TMEM132B: variants seen among roughly 807,000 people sequenced by gnomAD.
TMEM132B encodes transmembrane protein 132B.
In TMEM132B, 18 loss-of-function variants were observed where a neutral mutation model predicts 90.8. The observed-to-expected ratio is 0.20, with a 90% CI of 0.14 to 0.29. The LOEUF is 0.29. Ranked by LOEUF, TMEM132B falls within the 10% of genes least tolerant of loss-of-function variation. TMEM132B has a pLI of 1.00. For missense variants in TMEM132B, 1,096 were observed against 1,326.8 expected, an observed-to-expected ratio of 0.83 and a Z score of 2.70; for synonymous variants, 504 against 523.3, an observed-to-expected ratio of 0.96 and a Z score of 0.50.
At chr12:125,624,235 T>G (rs771641721) in intron 5 of TMEM132B, among the ~76,000 whole-genome samples, 3 of 152,194 alleles carry the variant, frequency 2.0e-5, no homozygotes, top group African/African-American at 4.8e-5. Flanking sequence ...CTTGAAGGGC[T>G]GAGCTAGGGA....
chr12:125,260,456 A>T (rs1318606067), intron 1 of TMEM132B, among the ~76,000 whole-genome samples: 1 of 150,814 alleles, frequency 6.6e-6, no homozygotes, highest in African/African-American at 2.4e-5. Context: ...GGCTCAAGTG[A>T]TTCTCCTGCC....
At chr12:125,653,458 G>C in intron 8 of TMEM132B, 107 bp from the exon 9 acceptor site, 3 of 1,254,632 alleles carry the variant, frequency 2.4e-6, no homozygotes, top group Non-Finnish European at 3.2e-6. Context: ...TAAAACTATA[G>C]AAATCTTCTC....
intron 4 of TMEM132B, among the ~76,000 whole-genome samples, chr12:125,582,179 C>T (rs373259050): frequency 9.2e-5 from 14 of 151,816 alleles, no homozygotes; most frequent in Non-Finnish European, 1.3e-4. Context: ...CCGTAACTAC[C>T]TTGGGAGAGC....
At chr12:125,652,925 G>A (rs539508835) in intron 8 of TMEM132B, among the ~76,000 whole-genome samples, 3 of 152,210 alleles carry the variant, frequency 2.0e-5, no homozygotes, top group Non-Finnish European at 2.9e-5. Context: ...AGGATCACGT[G>A]TTTTCACTTT....
intron 3 of TMEM132B, among the ~76,000 whole-genome samples, chr12:125,505,191 A>AAAAAAC: frequency 6.7e-6 from 1 of 148,902 alleles, no homozygotes. Flanking sequence ...AAAAAAAAAA[A>AAAAAAC]AAAACAGTAA....
chr12:125,441,594 C>T (rs11837398), intron 3 of TMEM132B, among the ~76,000 whole-genome samples: 9,629 of 152,170 alleles, frequency 0.063, 944 homozygotes, highest in African/African-American at 0.21. Context: ...CCCTCCAGGC[C>T]CTTAGGTCCC....
At chr12:125,600,524 T>C (rs1444842334) in intron 5 of TMEM132B, among the ~76,000 whole-genome samples, 1 of 152,244 alleles carries the variant, frequency 6.6e-6, no homozygotes, top group Non-Finnish European at 1.5e-5. Flanking sequence ...CCATTGTTTA[T>C]ATCTGCATCC....
intron 1 of TMEM132B, among the ~76,000 whole-genome samples, chr12:125,216,174 G>T (rs1873432819): frequency 6.6e-6 from 1 of 152,196 alleles, no homozygotes; most frequent in African/African-American, 2.4e-5. Flanking sequence ...AGTTCTGGAG[G>T]CTGGAAGTTC....
chr12:125,373,341 G>A (rs772012774), intron 2 of TMEM132B, among the ~76,000 whole-genome samples: 2 of 152,170 alleles, frequency 1.3e-5, no homozygotes, highest in Non-Finnish European at 2.9e-5. Flanking sequence ...AAATGTGACC[G>A]TATTTGGATA....
At chr12:125,236,885 G>C (rs1331681298) in intron 1 of TMEM132B, among the ~76,000 whole-genome samples, 1 of 152,232 alleles carries the variant, frequency 6.6e-6, no homozygotes, top group Non-Finnish European at 1.5e-5. Context: ...ACAAAGATTT[G>C]GGTACCTGTA....
At chr12:125,563,598 C>CAAACAAACA (rs774597550) in intron 4 of TMEM132B, among the ~76,000 whole-genome samples, 28 of 150,294 alleles carry the variant, frequency 1.9e-4, no homozygotes, top group African/African-American at 3.4e-4. Flanking sequence ...AACAAACAAA[C>CAAACAAACA]AAAAAAAAAC....
At chr12:125,360,053 G>A (rs905879248) in intron 2 of TMEM132B, among the ~76,000 whole-genome samples, 3 of 152,188 alleles carry the variant, frequency 2.0e-5, no homozygotes, top group African/African-American at 7.2e-5. Context: ...ACACCAGCCT[G>A]GCGACAGAGC....
rs571784460 is a variant in TMEM132B at position 125,445,775 on chromosome 12, G to A, written c.1106+30098G>A. On this transcript the variant is annotated intron_variant, in intron 3 of 8. Transcript: ENST00000682704. This position sits in a 1 kb window ranked among gnomAD's most constrained non-coding sequence, Gnocchi z 4.3. ...TCTGCTTACCCCACCAGCCTGCACC[G>A]CGGAGAGTTGGCTCCTTTGACTTGG... Among the ~76,000 whole-genome samples, 319 of 152,258 alleles carry A rather than the reference G, an allele frequency of 2.1e-3. 3 individuals carry two copies. The highest frequency in any genetic ancestry group is 4.4e-3 in the Admixed American group (67 of 15,306).
chr12:125,221,618 T>C (rs1285368208), intron 1 of TMEM132B, among the ~76,000 whole-genome samples: 1 of 152,250 alleles, frequency 6.6e-6, no homozygotes, highest in Non-Finnish European at 1.5e-5. Flanking sequence ...TTTAGTACAG[T>C]GGAAGCCTGT....
chr12:125,311,566 A>G (rs1216883124), intron 1 of TMEM132B, among the ~76,000 whole-genome samples: 3 of 152,068 alleles, frequency 2.0e-5, no homozygotes, highest in Non-Finnish European at 4.4e-5. Context: ...ACCCTGATCC[A>G]AGCCCCATGA....
At chr12:125,327,588 G>T (rs2136198461) in intron 1 of TMEM132B, 1 of 152,338 alleles carries the variant, frequency 6.6e-6, no homozygotes, top group East Asian at 1.9e-4. Flanking sequence ...GCATGCGGGG[G>T]ACGTCTCCCA....
intron 3 of TMEM132B, among the ~76,000 whole-genome samples, chr12:125,485,452 A>G (rs1244280766): frequency 1.3e-5 from 2 of 152,174 alleles, no homozygotes; most frequent in Admixed American, 6.5e-5. Context: ...TAGAAATATT[A>G]GCACACTGTC....
intron 4 of TMEM132B, among the ~76,000 whole-genome samples, chr12:125,545,774 A>G (rs1022152882): frequency 2.0e-5 from 3 of 152,234 alleles, no homozygotes; most frequent in African/African-American, 7.2e-5. Context: ...TAATGAGAAC[A>G]GATTCCTGGT....
intron 3 of TMEM132B, among the ~76,000 whole-genome samples, chr12:125,429,039 C>T (rs1880418898): frequency 1.3e-5 from 2 of 152,136 alleles, no homozygotes; most frequent in Admixed American, 1.3e-4. Context: ...TGGGCATATA[C>T]TACAGGGATT....
Sources: allele counts gnomAD v4.1 joint callset (sites outside exome capture counted in the v4.1 genomes callset), GRCh38; gene constraint gnomAD v4.1.1; non-coding constraint Gnocchi (gnomAD v3.1); transcripts MANE v1.5; gene names NCBI Gene and HGNC (gene_info 2026-07-23, HGNC 2026-07-21).